The following IGSF21 variants were observed in gnomAD, a reference collection of about 807,000 sequenced individuals.
The protein encoded by IGSF21 is immunoglobin superfamily member 21.
IGSF21 carries 28 observed loss-of-function variants against 46.8 expected under a neutral mutation model. The observed-to-expected ratio is 0.60, with a 90% CI of 0.44 to 0.82. The LOEUF is 0.82. Ranked by LOEUF, IGSF21 falls within the 40% of genes least tolerant of loss-of-function variation. The pLI, the probability that IGSF21 is intolerant of heterozygous loss-of-function variation, is 0.00. For missense variants in IGSF21, 624 were observed against 665.5 expected (o/e 0.94, Z 0.69); for synonymous variants, 284 against 273.6 (o/e 1.04, Z -0.38).
intron 3 of IGSF21, among the ~76,000 whole-genome samples, chr1:18,307,642 GA>G (rs2085440157): frequency 6.6e-6 from 1 of 152,222 alleles, no homozygotes; most frequent in South Asian, 2.1e-4. Flanking sequence ...GCAGGCTTGG[GA>G]AAAGGGGATG....
At chr1:18,203,075 C>T (rs1327852499) in intron 1 of IGSF21, among the ~76,000 whole-genome samples, 1 of 152,158 alleles carries the variant, frequency 6.6e-6, no homozygotes, top group Non-Finnish European at 1.5e-5. Flanking sequence ...CCCTGAGCCT[C>T]TGGGTGGTTG....
intron 1 of IGSF21, among the ~76,000 whole-genome samples, chr1:18,169,032 C>A (rs1239374738): frequency 6.6e-6 from 1 of 152,228 alleles, no homozygotes; most frequent in Non-Finnish European, 1.5e-5. Flanking sequence ...ACAGCACTAA[C>A]CTGTGGCTGC....
intron 1 of IGSF21, among the ~76,000 whole-genome samples, chr1:18,199,451 G>A (rs957389165): frequency 3.9e-5 from 6 of 152,118 alleles, no homozygotes; most frequent in African/African-American, 1.2e-4. Context: ...TTGGATACAC[G>A]GACATCCAGG....
chr1:18,147,195 T>G (rs1236066538), intron 1 of IGSF21, among the ~76,000 whole-genome samples: 1 of 152,136 alleles, frequency 6.6e-6, no homozygotes, highest in East Asian at 1.9e-4. Flanking sequence ...GTAAATCAGA[T>G]CCAGTCGCTT....
intron 1 of IGSF21, among the ~76,000 whole-genome samples, chr1:18,176,634 G>A (rs1022846056): frequency 6.6e-6 from 1 of 152,170 alleles, no homozygotes; most frequent in Non-Finnish European, 1.5e-5. Context: ...GTATTTAAGA[G>A]TATCTGCGCC....
At chr1:18,127,800 T>G (rs2086286124) in intron 1 of IGSF21, among the ~76,000 whole-genome samples, 1 of 152,106 alleles carries the variant, frequency 6.6e-6, no homozygotes, top group African/African-American at 2.4e-5. Flanking sequence ...TCCCAGCTAC[T>G]CGGGAGGCTG....
chr1:18,291,493 C>T (rs1197536363), intron 2 of IGSF21, among the ~76,000 whole-genome samples: 1 of 152,208 alleles, frequency 6.6e-6, no homozygotes, highest in East Asian at 1.9e-4. Context: ...AGCTCCTTTG[C>T]TGTGGAGACC....
intron 1 of IGSF21, among the ~76,000 whole-genome samples, chr1:18,192,518 T>G (rs1009202901): frequency 6.6e-6 from 1 of 152,232 alleles, no homozygotes; most frequent in Non-Finnish European, 1.5e-5. Flanking sequence ...ACTGGTGTTG[T>G]CCTGTGACTT....
chr1:18,185,327 G>T (rs2086893515), intron 1 of IGSF21, among the ~76,000 whole-genome samples: 1 of 152,186 alleles, frequency 6.6e-6, no homozygotes, highest in African/African-American at 2.4e-5. Context: ...GAAGCTGGCT[G>T]CTTGTTTCTA....
intron 4 of IGSF21, among the ~76,000 whole-genome samples, chr1:18,349,185 C>T (rs545051913): frequency 2.6e-5 from 4 of 152,234 alleles, no homozygotes; most frequent in East Asian, 1.9e-4. Flanking sequence ...CCCAAGACCC[C>T]GTGACTTAGG....
chr1:18,327,517 A>G (rs1557645401), intron 3 of IGSF21, among the ~76,000 whole-genome samples: 1 of 152,198 alleles, frequency 6.6e-6, no homozygotes, highest in Non-Finnish European at 1.5e-5. Context: ...GAGGATGGGT[A>G]AGTAAATGGT....
chr1:18,115,047 G>C (rs2086176408), intron 1 of IGSF21: 1 of 152,328 alleles, frequency 6.6e-6, no homozygotes, highest in African/African-American at 2.4e-5. Context: ...GACATGCCCA[G>C]GGTCACACAG....
At chr1:18,122,554 T>C (rs1338214687) in intron 1 of IGSF21, among the ~76,000 whole-genome samples, 1 of 152,090 alleles carries the variant, frequency 6.6e-6, no homozygotes, top group East Asian at 1.9e-4. Context: ...AATGGACTTC[T>C]TCTTTTTTGG....
chr1:18,255,114 T>G lies in IGSF21; in HGVS notation c.183+27104T>G, dbSNP rs146175226. Among the ~76,000 whole-genome samples the G allele has an allele frequency of 3.3e-4, 50 of 152,282 alleles. 1 individual carries two copies. Among genetic ancestry groups the G allele is most frequent in the Non-Finnish European group, 5.3e-4 (36 of 68,022 alleles). ...GCCCTGCCCAGATCTGGTCTTCCAG[T>G]CTCCAGCCCCTTCCTCTGTAGAGAT... is the stretch of plus-strand genomic sequence containing the variant. On this transcript the variant is annotated intron_variant, in intron 2 of 9. Transcript: ENST00000251296.
At chr1:18,247,951 A>G (rs940453933) in intron 2 of IGSF21, among the ~76,000 whole-genome samples, 4 of 152,076 alleles carry the variant, frequency 2.6e-5, no homozygotes, top group African/African-American at 7.2e-5. Flanking sequence ...TCCTCCCCCA[A>G]ACTCCAGCCC....
At chr1:18,342,031 A>C (rs977220945) in intron 4 of IGSF21, among the ~76,000 whole-genome samples, 1 of 146,332 alleles carries the variant, frequency 6.8e-6, no homozygotes, top group African/African-American at 2.5e-5. Flanking sequence ...ATTTTTATTA[A>C]GTGTGCCTGG....
intron 1 of IGSF21, among the ~76,000 whole-genome samples, chr1:18,226,996 C>T (rs2084574479): frequency 6.6e-6 from 1 of 152,182 alleles, no homozygotes; most frequent in African/African-American, 2.4e-5. Flanking sequence ...GTGGAGAGAG[C>T]AGTGTCCCCA....
chr1:18,302,483 T>A (rs1266768108), intron 3 of IGSF21, among the ~76,000 whole-genome samples: 1 of 152,184 alleles, frequency 6.6e-6, no homozygotes, highest in Non-Finnish European at 1.5e-5. Flanking sequence ...ACTCTTCTCC[T>A]CTTGTTCCTT....
At chr1:18,151,165 C>A (rs1019266679) in intron 1 of IGSF21, among the ~76,000 whole-genome samples, 1 of 152,230 alleles carries the variant, frequency 6.6e-6, no homozygotes, top group African/African-American at 2.4e-5. Flanking sequence ...CTGTTCAAAT[C>A]TTCCCTTGTC....
Sources: gnomAD v4.1 joint callset for allele counts (sites outside exome capture counted in the v4.1 genomes callset) on GRCh38, gnomAD v4.1.1 for gene constraint, MANE v1.5 for transcripts, NCBI Gene and HGNC (gene_info 2026-07-23, HGNC 2026-07-21) for gene names.